ZNF516: variants seen among roughly 807,000 people sequenced by gnomAD.
ZNF516 encodes zinc finger protein 516.
ZNF516 carries 19 observed loss-of-function variants against 79.7 expected under a neutral mutation model. That is an observed-to-expected ratio of 0.24 (90% confidence interval 0.17 to 0.35). The LOEUF is 0.35. ZNF516 is among the 10% of genes least tolerant of loss of function. ZNF516 has a pLI of 1.00. For missense variants in ZNF516, 1,678 were observed against 1,679.5 expected (o/e 1.00, Z 0.02); for synonymous variants, 877 against 739.5 (o/e 1.19, Z -3.02).
intron 3 of ZNF516, among the ~76,000 whole-genome samples, chr18:76,383,688 C>T (rs1033026109): frequency 2.0e-5 from 3 of 152,182 alleles, no homozygotes; most frequent in Admixed American, 6.5e-5. Flanking sequence ...CTCTTCTGAC[C>T]GAGGTTTCTT....
chr18:76,391,194 C>A (rs992931675), intron 3 of ZNF516, among the ~76,000 whole-genome samples: 6 of 152,098 alleles, frequency 3.9e-5, no homozygotes, highest in African/African-American at 1.4e-4. Flanking sequence ...TTAGGAAACA[C>A]GCTACAGGGT....
chr18:76,429,674 A>G (rs1243810498), intron 3 of ZNF516, among the ~76,000 whole-genome samples: 1 of 152,172 alleles, frequency 6.6e-6, no homozygotes, highest in Non-Finnish European at 1.5e-5. Flanking sequence ...AACTTCCACA[A>G]CCACCAGCAG....
At chr18:76,473,711 G>C (rs1914000547) in intron 1 of ZNF516, among the ~76,000 whole-genome samples, 1 of 151,880 alleles carries the variant, frequency 6.6e-6, no homozygotes, top group African/African-American at 2.4e-5. Flanking sequence ...TGAGGCAAGA[G>C]GACGGCGTGA....
At chr18:76,366,957 A>G (rs533251125) in intron 6 of ZNF516, among the ~76,000 whole-genome samples, 3 of 152,330 alleles carry the variant, frequency 2.0e-5, no homozygotes, top group Non-Finnish European at 4.4e-5. Context: ...GCTGACCTTC[A>G]ATGAATTTAA....
At chr18:76,434,001 C>A (rs1055316669) in intron 3 of ZNF516, among the ~76,000 whole-genome samples, 1 of 152,162 alleles carries the variant, frequency 6.6e-6, no homozygotes, top group African/African-American at 2.4e-5. Flanking sequence ...GCACCAAGCC[C>A]TCGGCAACGC....
intron 3 of ZNF516, among the ~76,000 whole-genome samples, chr18:76,432,441 G>A (rs1481680214): frequency 6.6e-6 from 1 of 152,230 alleles, no homozygotes; most frequent in Non-Finnish European, 1.5e-5. Flanking sequence ...GTTGTGCAAA[G>A]GGCCAGCACC....
chr18:76,487,881 G>C, intron 1 of ZNF516: 1 of 969,806 alleles, frequency 1.0e-6, no homozygotes, highest in Non-Finnish European at 1.2e-6. Flanking sequence ...TACACTTTCG[G>C]CCAGTCAGGT....
At chr18:76,435,790 G>T (rs576150498) in intron 3 of ZNF516, among the ~76,000 whole-genome samples, 10 of 152,356 alleles carry the variant, frequency 6.6e-5, no homozygotes, top group African/African-American at 9.6e-5. Flanking sequence ...CACCGTGCCA[G>T]CTCTTCCAAA....
chr18:76,435,452 A>G (rs533642702), intron 3 of ZNF516, among the ~76,000 whole-genome samples: 21 of 152,322 alleles, frequency 1.4e-4, no homozygotes, highest in African/African-American at 5.1e-4. Flanking sequence ...TCTTCCTCTG[A>G]TAACTCGGAA....
At position 76,493,179 on chromosome 18, in the gene ZNF516, CAG is replaced by C. The variant is rs559248140; in HGVS notation, c.-272+1963_-272+1964del. 9.5e-5 allele frequency: 94 copies of C among 985,252 alleles called. No individual in the cohort carries two copies. Among genetic ancestry groups the C allele is most frequent in the East Asian group, 5.7e-4 (5 of 8,816 alleles). The allele number at this position is 985,252 out of a possible 1,614,324, so 61.0% of individuals were successfully genotyped here. ...GAGCTCTGAAAGTTAGCCATCTGCG[CAG>C]AGTTTGCCTTCTTTAAGGAGGGAGG... On this transcript the variant is annotated intron_variant, in intron 1 of 6. Transcript: ENST00000443185. This position sits in a 1 kb window ranked among gnomAD's most constrained non-coding sequence, Gnocchi z 5.2.
chr18:76,362,674 C>A, intron 6 of ZNF516, 117 bp from the exon 7 acceptor site: 1 of 1,008,974 alleles, frequency 9.9e-7, no homozygotes, highest in African/African-American at 1.6e-5. Context: ...ATGACCTTCA[C>A]AAAGCAAGCC....
intron 4 of ZNF516, among the ~76,000 whole-genome samples, chr18:76,372,401 A>G (rs547541303): frequency 2.0e-5 from 3 of 152,332 alleles, no homozygotes; most frequent in African/African-American, 7.2e-5. Flanking sequence ...AGTCACTGTT[A>G]TGCGCAATAG....
chr18:76,415,920 C>T (rs1018089288), intron 3 of ZNF516, among the ~76,000 whole-genome samples: 3 of 152,354 alleles, frequency 2.0e-5, no homozygotes, highest in Admixed American at 6.5e-5. Flanking sequence ...ATACTTGCTT[C>T]AGTTCCAACT....
At chr18:76,465,843 T>C (rs73975487) in intron 1 of ZNF516, among the ~76,000 whole-genome samples, 1,579 of 152,168 alleles carry the variant, frequency 0.01, 26 homozygotes, top group African/African-American at 0.036. Flanking sequence ...AAAACAGAGA[T>C]GGACCAAGGA....
chr18:76,415,559 T>C (rs1284538300), intron 3 of ZNF516, among the ~76,000 whole-genome samples: 2 of 152,188 alleles, frequency 1.3e-5, no homozygotes, highest in East Asian at 1.9e-4. Context: ...TGCCTCTCCG[T>C]TGGATTCTGC....
At chr18:76,433,945 T>G (rs1307308289) in intron 3 of ZNF516, among the ~76,000 whole-genome samples, 1 of 152,100 alleles carries the variant, frequency 6.6e-6, no homozygotes, top group Non-Finnish European at 1.5e-5. Flanking sequence ...ACACCTCTCC[T>G]GGCCGGGAAA....
chr18:76,370,083 G>A (rs74945357), intron 6 of ZNF516, among the ~76,000 whole-genome samples: 4,725 of 152,334 alleles, frequency 0.031, 96 homozygotes, highest in Non-Finnish European at 0.05. Context: ...AGTCGTGTTC[G>A]TAATGCAGAG....
intron 2 of ZNF516, among the ~76,000 whole-genome samples, chr18:76,462,462 A>G (rs1200130410): frequency 1.3e-5 from 2 of 152,204 alleles, no homozygotes; most frequent in Non-Finnish European, 2.9e-5. Context: ...TTAGCGGTCC[A>G]CCTCATTAAA....
rs1001891995 is a variant in ZNF516 at position 76,459,238 on chromosome 18, G to C, written c.-158+3790C>G. 6.6e-6 allele frequency among the ~76,000 whole-genome samples: 1 copy of C among 152,198 alleles called. No homozygotes were observed. The highest frequency in any genetic ancestry group is 1.5e-5 in the Non-Finnish European group (1 of 68,032). ...ATAGGGCGCTCTCTCCCTGCCCCGAGCTTCGGCTTCTCCTCCATGCACGGT... is the reference window on the plus strand; with the variant it reads ...ATAGGGCGCTCTCTCCCTGCCCCGACCTTCGGCTTCTCCTCCATGCACGGT... On this transcript the variant is annotated intron_variant, in intron 2 of 6. Coordinates refer to ENST00000443185, the MANE Select transcript of ZNF516 (RefSeq NM_014643.4). This position sits in a 1 kb window ranked among gnomAD's most constrained non-coding sequence, Gnocchi z 5.0.
Sources: gnomAD v4.1 joint callset for allele counts (sites outside exome capture counted in the v4.1 genomes callset) on GRCh38, gnomAD v4.1.1 for gene constraint, Gnocchi (gnomAD v3.1) non-coding constraint, MANE v1.5 for transcripts, NCBI Gene and HGNC (gene_info 2026-07-23, HGNC 2026-07-21) for gene names.